The following CARMIL1 variants were observed in gnomAD, a reference collection of about 807,000 sequenced individuals.
CARMIL1 encodes F-actin-uncapping protein LRRC16A.
In CARMIL1, 90 loss-of-function variants were observed where a neutral mutation model predicts 177.1. The ratio of observed to expected loss-of-function variants is 0.51; its 90% CI spans 0.43 to 0.61. CARMIL1 has a LOEUF of 0.61. Among genes scored for constraint, CARMIL1 ranks in the 20% least tolerant of loss-of-function variants. The pLI is 0.00. For synonymous variants in CARMIL1, 577 were observed against 606.2 expected, an observed-to-expected ratio of 0.95 and a Z score of 0.71; for missense variants, 1,380 against 1,667.0, an observed-to-expected ratio of 0.83 and a Z score of 3.00.
At chr6:25,518,799 A>G (rs897832468) in intron 22 of CARMIL1, among the ~76,000 whole-genome samples, 72 of 152,208 alleles carry the variant, frequency 4.7e-4, no homozygotes, top group African/African-American at 1.7e-3. Context: ...CAAGATGCCA[A>G]TGCTTCAAAA....
At chr6:25,609,425 C>A (rs1816307747) in intron 35 of CARMIL1, among the ~76,000 whole-genome samples, 1 of 149,832 alleles carries the variant, frequency 6.7e-6, no homozygotes, top group South Asian at 2.1e-4. Context: ...GGGATCGCAC[C>A]ACTGCACTCC....
intron 2 of CARMIL1, chr6:25,388,118 C>G (rs1447474882): frequency 6.6e-6 from 1 of 152,148 alleles, no homozygotes; most frequent in Non-Finnish European, 1.5e-5. Flanking sequence ...AATGTGTCTG[C>G]AGGTGTTCTG....
chr6:25,391,098 G>A (rs1556043), intron 2 of CARMIL1, among the ~76,000 whole-genome samples: 22,098 of 152,208 alleles, frequency 0.15, 2,037 homozygotes, highest in East Asian at 0.22. Flanking sequence ...AAACCGAATG[G>A]TTTCCTTCAT....
chr6:25,435,645 T>G, intron 5 of CARMIL1, 41 bp downstream of exon 5: 1 of 1,529,226 alleles, frequency 6.5e-7, no homozygotes, highest in South Asian at 1.3e-5. Context: ...AAAGAACCTG[T>G]TCTTCCTCAA....
intron 2 of CARMIL1, among the ~76,000 whole-genome samples, chr6:25,411,427 T>C (rs968826331): frequency 6.6e-6 from 1 of 152,218 alleles, no homozygotes; most frequent in East Asian, 1.9e-4. Flanking sequence ...AAAGAAGACC[T>C]ATCATTACTC....
chr6:25,462,236 T>G (rs1238931701), intron 8 of CARMIL1, among the ~76,000 whole-genome samples: 1 of 152,224 alleles, frequency 6.6e-6, no homozygotes, highest in African/African-American at 2.4e-5. Context: ...TAAAAACTCT[T>G]AGACTAAGCC....
At chr6:25,396,035 A>G (rs1793356596) in intron 2 of CARMIL1, among the ~76,000 whole-genome samples, 1 of 152,178 alleles carries the variant, frequency 6.6e-6, no homozygotes, top group South Asian at 2.1e-4. Context: ...GTGGCACTCA[A>G]GCTTTTCCTT....
At chr6:25,361,324 G>A (rs1240900100) in intron 2 of CARMIL1, among the ~76,000 whole-genome samples, 2 of 152,084 alleles carry the variant, frequency 1.3e-5, no homozygotes, top group Non-Finnish European at 2.9e-5. Flanking sequence ...TGTGAATTAG[G>A]TGAAACTAGT....
chr6:25,585,914 A>G (rs902120006), intron 31 of CARMIL1, among the ~76,000 whole-genome samples: 3 of 152,234 alleles, frequency 2.0e-5, no homozygotes, highest in Non-Finnish European at 4.4e-5. Flanking sequence ...TTTTCTTAGT[A>G]CAGAAGAAAA....
chr6:25,324,823 A>C (rs1265542367), intron 2 of CARMIL1, among the ~76,000 whole-genome samples: 1 of 152,058 alleles, frequency 6.6e-6, no homozygotes, highest in Non-Finnish European at 1.5e-5. Flanking sequence ...GTGAGGGAGA[A>C]GGTGTTCCAG....
At position 25,437,088 on chromosome 6, in the gene CARMIL1, A is replaced by G. The variant is rs561453428; in HGVS notation, c.371+1484A>G. 2.6e-5 allele frequency among the ~76,000 whole-genome samples: 4 copies of G among 152,336 alleles called. No homozygotes were observed. The East Asian group carries it at 7.7e-4, about 29-fold the overall frequency. ...TCATCCTTAAAGCCACCAGAGAACT[A>G]GCTGGGGTAATCATGAGTTAACAAT... On this transcript the variant is annotated intron_variant, in intron 5 of 36. Coordinates refer to ENST00000329474, the MANE Select transcript of CARMIL1 (RefSeq NM_017640.6).
At chr6:25,410,686 G>T (rs1306803682) in intron 2 of CARMIL1, among the ~76,000 whole-genome samples, 3 of 152,146 alleles carry the variant, frequency 2.0e-5, no homozygotes, top group Non-Finnish European at 1.5e-5. Context: ...TTCCACGAGG[G>T]CAGCCAGAGG....
intron 29 of CARMIL1, among the ~76,000 whole-genome samples, chr6:25,570,270 C>T (rs1811959781): frequency 1.3e-5 from 2 of 152,178 alleles, no homozygotes; most frequent in South Asian, 4.1e-4. Flanking sequence ...GGCATTTTCC[C>T]ACTTTTTAAA....
At chr6:25,283,955 C>T (rs748238886) in intron 1 of CARMIL1, among the ~76,000 whole-genome samples, 15 of 152,020 alleles carry the variant, frequency 9.9e-5, no homozygotes, top group Admixed American at 2.0e-4. Flanking sequence ...TGGCCTCAAG[C>T]GATCCACCTT....
intron 29 of CARMIL1, among the ~76,000 whole-genome samples, chr6:25,574,750 T>C (rs1812431040): frequency 6.6e-6 from 1 of 152,212 alleles, no homozygotes; most frequent in Non-Finnish European, 1.5e-5. Context: ...TTTTGAGACA[T>C]GTTCATGTTG....
chr6:25,576,061 C>A (rs1039623864), intron 29 of CARMIL1, among the ~76,000 whole-genome samples: 8 of 152,128 alleles, frequency 5.3e-5, no homozygotes, highest in Non-Finnish European at 4.4e-5. Context: ...CAAAGACTTG[C>A]ATTCTACAAC....
intron 8 of CARMIL1, chr6:25,452,116 C>T (rs745746946): frequency 2.6e-6 from 2 of 764,020 alleles, no homozygotes; most frequent in Non-Finnish European, 4.8e-6. Flanking sequence ...AGTATACTAG[C>T]TGGATATACC....
At chr6:25,357,889 T>C (rs1049463928) in intron 2 of CARMIL1, among the ~76,000 whole-genome samples, 2 of 152,250 alleles carry the variant, frequency 1.3e-5, no homozygotes, top group Non-Finnish European at 2.9e-5. Context: ...TTGCATTTTC[T>C]AGGTGTGATT....
intron 2 of CARMIL1, among the ~76,000 whole-genome samples, chr6:25,290,825 G>C (rs1387419118): frequency 6.6e-6 from 1 of 152,128 alleles, no homozygotes; most frequent in African/African-American, 2.4e-5. Flanking sequence ...TCACTGTGTT[G>C]CACAAGCTGG....
Sources: allele counts gnomAD v4.1 joint callset (sites outside exome capture counted in the v4.1 genomes callset), GRCh38; gene constraint gnomAD v4.1.1; transcripts MANE v1.5; gene names NCBI Gene and HGNC (gene_info 2026-07-23, HGNC 2026-07-21).